RAB27B: variants seen among roughly 807,000 people sequenced by gnomAD.
RAB27B encodes RAB27B, member RAS oncogene family, also known as ras-related protein Rab-27B.
A neutral mutation model predicts 24.6 loss-of-function variants in RAB27B; 15 were observed. That is an observed-to-expected ratio of 0.61 (90% CI 0.41 to 0.94). The LOEUF is 0.94. Ranked by LOEUF, RAB27B falls within the 40% of genes least tolerant of loss-of-function variation. The probability of loss-of-function intolerance (pLI) is 0.00; values close to 1 mark genes in which losing one functional copy is unlikely to be tolerated. For missense variants in RAB27B, 261 were observed against 266.8 expected (o/e 0.98, Z 0.15); for synonymous variants, 105 against 92.5 (o/e 1.14, Z -0.78).
chr18:54,777,340 G>T (rs771129219), intron 2 of RAB27B, among the ~76,000 whole-genome samples: 3 of 152,188 alleles, frequency 2.0e-5, no homozygotes, highest in African/African-American at 7.2e-5. Flanking sequence ...GATCTCTTGG[G>T]TACAGGGATG....
intron 2 of RAB27B, among the ~76,000 whole-genome samples, chr18:54,810,856 A>G (rs1909939954): frequency 6.7e-6 from 1 of 150,132 alleles, no homozygotes; most frequent in Admixed American, 6.7e-5. Context: ...AAATAAATAA[A>G]TAAATAAATA....
intron 2 of RAB27B, among the ~76,000 whole-genome samples, chr18:54,821,025 A>G (rs184646867): frequency 3.3e-5 from 5 of 152,144 alleles, no homozygotes; most frequent in Non-Finnish European, 4.4e-5. Context: ...TGTAGCTGTG[A>G]AGAAAGTCAT....
chr18:54,830,332 C>T (rs1029106663), intron 1 of RAB27B, among the ~76,000 whole-genome samples: 5 of 152,202 alleles, frequency 3.3e-5, no homozygotes, highest in Non-Finnish European at 5.9e-5. Flanking sequence ...GAAACCTGCT[C>T]TTTTCCCACC....
exon 1 of RAB27B, chr18:54,717,892 T>C (rs1376917380): frequency 6.6e-6 from 1 of 152,172 alleles, no homozygotes; most frequent in African/African-American, 2.4e-5. Flanking sequence ...GCAGGCAGCA[T>C]CAGTATCGGC....
chr18:54,888,070 A>G lies in RAB27B; in HGVS notation c.419A>G (p.Gln140Arg). ...LIGNKADLPD[Q>R]REVNERQARE... ...GGCAACAAGGCAGACCTACCAGATC[A>G]GAGGGAAGTCAATGAACGGCAAGCT... Residue 140 changes from glutamine (Q) to arginine (R), a missense_variant, in exon 5 of 6, where the codon CAG (glutamine) becomes CGG (arginine). Gln to Arg is a conservative substitution (Grantham distance 43, BLOSUM62 1). Coordinates refer to ENST00000262094, the MANE Select transcript of RAB27B (RefSeq NM_004163.4). 1 of 1,613,272 alleles carries G rather than the reference A, an allele frequency of 6.2e-7. No homozygotes were observed. Among genetic ancestry groups the G allele is most frequent in the Non-Finnish European group, 8.5e-7 (1 of 1,179,432 alleles).
chr18:54,735,068 A>G (rs567720710), intron 2 of RAB27B, among the ~76,000 whole-genome samples: 14 of 152,220 alleles, frequency 9.2e-5, no homozygotes, highest in Non-Finnish European at 1.9e-4. Flanking sequence ...ACTGAGTCAC[A>G]TTATAAAACT....
At chr18:54,775,871 A>G (rs1908698346) in intron 2 of RAB27B, among the ~76,000 whole-genome samples, 1 of 152,176 alleles carries the variant, frequency 6.6e-6, no homozygotes, top group African/African-American at 2.4e-5. Flanking sequence ...GTCATTCAAC[A>G]TCATCCACCT....
intron 1 of RAB27B, among the ~76,000 whole-genome samples, chr18:54,868,566 T>G (rs1912334583): frequency 6.6e-6 from 1 of 152,080 alleles, no homozygotes; most frequent in Non-Finnish European, 1.5e-5. Context: ...ATCATTTATG[T>G]TTCCAAAAAG....
At chr18:54,846,780 C>T (rs926807723) in intron 1 of RAB27B, among the ~76,000 whole-genome samples, 9 of 152,158 alleles carry the variant, frequency 5.9e-5, no homozygotes, top group Non-Finnish European at 1.3e-4. Context: ...TGCCACAAAG[C>T]ACATAATGGC....
At chr18:54,791,693 C>T (rs927523590) in intron 2 of RAB27B, among the ~76,000 whole-genome samples, 1 of 152,208 alleles carries the variant, frequency 6.6e-6, no homozygotes, top group Non-Finnish European at 1.5e-5. Context: ...CCTGCCCATC[C>T]TGGGCCTATA....
rs531322803 is a variant in RAB27B at position 54,868,440 on chromosome 18, C to T, written c.-19-9127C>T. Among the ~76,000 whole-genome samples, 7 of 152,294 alleles carry T rather than the reference C, an allele frequency of 4.6e-5. No individual in the cohort carries two copies. In the South Asian group the frequency reaches 1.2e-3, roughly 27 times the overall value. ...CCTGCAGAACCGTGAGTGAATTAAA[C>T]CTTTTTTCTTTATAAAGTACCCAGT... On this transcript the variant is annotated intron_variant, in intron 1 of 5. Coordinates refer to ENST00000262094, the MANE Select transcript of RAB27B (RefSeq NM_004163.4).
chr18:54,849,426 A>G (rs1911466120), intron 1 of RAB27B, among the ~76,000 whole-genome samples: 1 of 152,156 alleles, frequency 6.6e-6, no homozygotes, highest in East Asian at 1.9e-4. Flanking sequence ...CACTATAAAG[A>G]AGGTAAATTG....
chr18:54,787,327 T>C (rs1378949387), intron 2 of RAB27B, among the ~76,000 whole-genome samples: 1 of 152,214 alleles, frequency 6.6e-6, no homozygotes, highest in Admixed American at 6.5e-5. Context: ...AATGTTCTCT[T>C]TCCTACAGGA....
chr18:54,865,785 A>C (rs1328562520), intron 1 of RAB27B, among the ~76,000 whole-genome samples: 2 of 152,252 alleles, frequency 1.3e-5, no homozygotes, highest in Admixed American at 6.5e-5. Context: ...AAATACTGAA[A>C]ATGAATATGC....
chr18:54,752,301 G>A (rs952144559), intron 2 of RAB27B, among the ~76,000 whole-genome samples: 3 of 152,130 alleles, frequency 2.0e-5, no homozygotes, highest in African/African-American at 7.2e-5. Context: ...CTACCAACTG[G>A]AATCATTTGA....
At chr18:54,833,510 T>C (rs1910774302) in intron 1 of RAB27B, among the ~76,000 whole-genome samples, 1 of 152,090 alleles carries the variant, frequency 6.6e-6, no homozygotes, top group South Asian at 2.1e-4. Context: ...TACAGGTGTG[T>C]ACAACTGCAC....
intron 1 of RAB27B, among the ~76,000 whole-genome samples, chr18:54,851,387 G>A (rs1044620752): frequency 1.3e-5 from 2 of 152,088 alleles, no homozygotes; most frequent in African/African-American, 4.8e-5. Context: ...TCCTGCCATA[G>A]TTCATCTACC....
Position 54,882,866 on chromosome 18 carries a change from G to GCGACATATATCC in RAB27B, c.240-1466_240-1465insGACATATATCCC, listed in dbSNP as rs548499059. ...TAATCATTAAAATGTCGTTAGTAGA[G>GCGACATATATCC]CATTGATATAATCTATGGGAAGAAA... On this transcript the variant is annotated intron_variant, in intron 3 of 5. Coordinates refer to ENST00000262094, the MANE Select transcript of RAB27B (RefSeq NM_004163.4). Among the ~76,000 whole-genome samples, 61 of 152,264 alleles carry GCGACATATATCC rather than the reference G, an allele frequency of 4.0e-4. No homozygotes were observed. In the South Asian group the frequency reaches 0.012, roughly 31 times the overall value.
At chr18:54,804,845 T>TTTCCTTCC (rs919367253) in intron 2 of RAB27B, among the ~76,000 whole-genome samples, 11 of 33,212 alleles carry the variant, frequency 3.3e-4, no homozygotes, top group Admixed American at 8.4e-4. Flanking sequence ...GTTTCTTTTC[T>TTTCCTTCC]TTCCTTCCTT....
Sources: gnomAD v4.1 joint callset for allele counts (sites outside exome capture counted in the v4.1 genomes callset) on GRCh38, gnomAD v4.1.1 for gene constraint, MANE v1.5 for transcripts, NCBI Gene and HGNC (gene_info 2026-07-23, HGNC 2026-07-21) for gene names.